Variants in ARHGAP10 observed in about 807,000 individuals in gnomAD.
ARHGAP10 encodes Rho GTPase activating protein 10.
ARHGAP10 carries 87 observed loss-of-function variants against 108.6 expected under a neutral mutation model. The observed-to-expected ratio is 0.80, with a 90% CI of 0.67 to 0.96. The LOEUF is 0.96. Ranked by LOEUF, ARHGAP10 falls within the 40% of genes least tolerant of loss-of-function variation. The pLI is 0.00. For synonymous variants in ARHGAP10, 347 were observed against 341.1 expected, an observed-to-expected ratio of 1.02 and a Z score of -0.19; for missense variants, 939 against 954.5, an observed-to-expected ratio of 0.98 and a Z score of 0.21.
At chr4:147,878,639 A>G (rs566053301) in intron 8 of ARHGAP10, among the ~76,000 whole-genome samples, 7 of 152,254 alleles carry the variant, frequency 4.6e-5, no homozygotes, top group Non-Finnish European at 1.0e-4. Context: ...TAGAGCTTAC[A>G]ATTAAGAGAT....
chr4:147,732,964 T>A (rs1286263109), intron 1 of ARHGAP10, among the ~76,000 whole-genome samples: 2 of 152,198 alleles, frequency 1.3e-5, no homozygotes. Context: ...TCCCTCTCAT[T>A]GTCTGATCTT....
chr4:147,972,210 A>G (rs548256539), intron 18 of ARHGAP10, among the ~76,000 whole-genome samples: 1 of 152,320 alleles, frequency 6.6e-6, no homozygotes, highest in East Asian at 1.9e-4. Flanking sequence ...AGATTGGCGT[A>G]AGAAAATATT....
At chr4:147,879,077 T>G (rs1398290136) in intron 8 of ARHGAP10, among the ~76,000 whole-genome samples, 155 bp from the exon 9 acceptor site, 2 of 152,196 alleles carry the variant, frequency 1.3e-5, no homozygotes, top group Non-Finnish European at 1.5e-5. Context: ...GCCTCCCCTC[T>G]TCTTCTTAGA....
At chr4:147,900,028 TTC>T (rs754794747) in intron 10 of ARHGAP10, among the ~76,000 whole-genome samples, 1 of 152,240 alleles carries the variant, frequency 6.6e-6, no homozygotes, top group Admixed American at 6.5e-5. Flanking sequence ...TTGTGAATGT[TTC>T]TCTCTGCTTT....
intron 19 of ARHGAP10, among the ~76,000 whole-genome samples, chr4:148,038,803 A>G (rs1398502846): frequency 6.6e-6 from 1 of 152,234 alleles, no homozygotes; most frequent in Non-Finnish European, 1.5e-5. Flanking sequence ...CTGGTGAAAG[A>G]GTTCATTTAA....
At chr4:147,751,840 G>A (rs139308913) in intron 1 of ARHGAP10, among the ~76,000 whole-genome samples, 103 of 151,416 alleles carry the variant, frequency 6.8e-4, no homozygotes, top group Non-Finnish European at 5.7e-4. Flanking sequence ...ACTCATCTAG[G>A]TAGCTGAGGC....
At chr4:147,739,209 G>GA (rs1728553273) in intron 1 of ARHGAP10, among the ~76,000 whole-genome samples, 1 of 147,372 alleles carries the variant, frequency 6.8e-6, no homozygotes, top group African/African-American at 2.5e-5. Context: ...AAAAAGAAAA[G>GA]AAAATACATT....
chr4:147,766,800 ATATATATATATATATATATATAT>A, intron 1 of ARHGAP10, among the ~76,000 whole-genome samples: 1 of 3,202 alleles, frequency 3.1e-4, no homozygotes, highest in Non-Finnish European at 2.8e-3. Flanking sequence ...ATATATTCAC[ATATATATATATATATATATATAT>A]ATATATATAT....
chr4:148,063,386 C>T, intron 21 of ARHGAP10, 86 bp downstream of exon 21: 2 of 1,532,250 alleles, frequency 1.3e-6, no homozygotes, highest in Non-Finnish European at 1.8e-6. Flanking sequence ...GTGTTCTCTG[C>T]TGGCAAAAGC....
At chr4:147,798,728 T>C (rs749797739) in intron 1 of ARHGAP10, among the ~76,000 whole-genome samples, 196 of 12,216 alleles carry the variant, frequency 0.016, 2 homozygotes, top group Middle Eastern at 0.036. Flanking sequence ...TGAGACACTC[T>C]CTCTCTCTCT....
intron 19 of ARHGAP10, among the ~76,000 whole-genome samples, chr4:148,035,053 A>G (rs942056520): frequency 2.3e-4 from 35 of 152,184 alleles, no homozygotes; most frequent in African/African-American, 8.2e-4. Context: ...CGACCTTTGC[A>G]AGAGGTAGAG....
intron 10 of ARHGAP10, among the ~76,000 whole-genome samples, chr4:147,900,057 C>T (rs1736173859): frequency 1.3e-5 from 2 of 152,090 alleles, no homozygotes; most frequent in South Asian, 4.1e-4. Flanking sequence ...TGTGTATTTT[C>T]TGAATTTATA....
chr4:147,911,273 GTTC>G (rs1390501549), intron 12 of ARHGAP10, among the ~76,000 whole-genome samples: 1 of 152,154 alleles, frequency 6.6e-6, no homozygotes, highest in Non-Finnish European at 1.5e-5. Flanking sequence ...TTCATGGATT[GTTC>G]TTGTAACCCT....
At chr4:148,011,377 G>A (rs554184926) in intron 18 of ARHGAP10, among the ~76,000 whole-genome samples, 1 of 152,348 alleles carries the variant, frequency 6.6e-6, no homozygotes, top group African/African-American at 2.4e-5. Flanking sequence ...ATCATCTGGA[G>A]GCTTCTGCAC....
At position 147,822,896 on chromosome 4, in the gene ARHGAP10, A is replaced by T; in HGVS notation, c.251A>T (p.Asp84Val). Reference sequence around the variant, plus strand: ...AATAATCACTCCTTTCTTCTTACAGATGCTTCCTTACGTGAATTTTCAAAT... The same window carrying T: ...AATAATCACTCCTTTCTTCTTACAGTTGCTTCCTTACGTGAATTTTCAAAT... ...DAVTDDERCIDASLREFSNFL... is the reference protein window; with the variant it reads ...DAVTDDERCIVASLREFSNFL... The change falls in exon 3 of 23, where the codon GAT (aspartate) becomes GTT (valine). Residue 84 changes from aspartate (D) to valine (V), a missense_variant and splice_region_variant. Asp to Val is a radical substitution (Grantham distance 152, BLOSUM62 -3). Coordinates refer to ENST00000336498, the MANE Select transcript of ARHGAP10 (RefSeq NM_024605.4). The T allele has an allele frequency of 6.2e-7, 1 of 1,614,116 alleles. No individual in the cohort carries two copies. The highest frequency in any genetic ancestry group is 2.2e-5 in the East Asian group (1 of 44,878).
At chr4:147,896,075 A>G (rs1033358826) in intron 10 of ARHGAP10, among the ~76,000 whole-genome samples, 1 of 152,246 alleles carries the variant, frequency 6.6e-6, no homozygotes, top group Non-Finnish European at 1.5e-5. Flanking sequence ...CTACTTGGTC[A>G]TGATGTACTA....
intron 19 of ARHGAP10, among the ~76,000 whole-genome samples, chr4:148,033,655 A>G (rs183934737): frequency 6.6e-6 from 1 of 152,208 alleles, no homozygotes; most frequent in South Asian, 2.1e-4. Flanking sequence ...CAAATGTTTC[A>G]GCTTAACTCC....
intron 20 of ARHGAP10, among the ~76,000 whole-genome samples, chr4:148,050,703 ACT>A (rs1268431401): frequency 1.3e-5 from 2 of 151,242 alleles, no homozygotes; most frequent in Admixed American, 1.3e-4. Flanking sequence ...AAGATTACAA[ACT>A]CTTCCTCTAG....
intron 13 of ARHGAP10, among the ~76,000 whole-genome samples, chr4:147,935,784 G>A (rs1737903959): frequency 6.6e-6 from 1 of 152,014 alleles, no homozygotes; most frequent in Non-Finnish European, 1.5e-5. Flanking sequence ...CAAGACTTGA[G>A]TGTATGTATT....
Sources: gnomAD v4.1 joint callset for allele counts (sites outside exome capture counted in the v4.1 genomes callset) on GRCh38, gnomAD v4.1.1 for gene constraint, MANE v1.5 for transcripts, NCBI Gene and HGNC (gene_info 2026-07-23, HGNC 2026-07-21) for gene names.